SEMA4D: variants seen among roughly 807,000 people sequenced by gnomAD.
SEMA4D encodes semaphorin 4D, also known as semaphorin-4D.
SEMA4D carries 22 observed loss-of-function variants against 74.8 expected under a neutral mutation model. That is an observed-to-expected ratio of 0.29 (90% confidence interval 0.21 to 0.42). SEMA4D has a LOEUF of 0.42. SEMA4D is among the 10% of genes least tolerant of loss of function. SEMA4D has a pLI of 1.00. For synonymous variants in SEMA4D, 445 were observed against 463.7 expected, an observed-to-expected ratio of 0.96 and a Z score of 0.52; for missense variants, 937 against 1,118.4, an observed-to-expected ratio of 0.84 and a Z score of 2.31.
intron 2 of SEMA4D, among the ~76,000 whole-genome samples, chr9:89,439,838 C>T (rs750031140): frequency 5.9e-5 from 9 of 152,162 alleles, no homozygotes; most frequent in African/African-American, 9.7e-5. Flanking sequence ...CCCCACTTCA[C>T]GAATTTTAGC....
intron 16 of SEMA4D, among the ~76,000 whole-genome samples, chr9:89,371,477 A>G (rs1216418894): frequency 7.4e-4 from 15 of 20,196 alleles, no homozygotes; most frequent in Non-Finnish European, 7.9e-4. Flanking sequence ...GTGGGGTGTG[A>G]TGTGTGTGGG....
chr9:89,475,522 T>A (rs1286173918), intron 1 of SEMA4D, among the ~76,000 whole-genome samples: 1 of 152,192 alleles, frequency 6.6e-6, no homozygotes, highest in Non-Finnish European at 1.5e-5. Flanking sequence ...TGTTCACCCA[T>A]CAATCATTCA....
chr9:89,453,635 G>A (rs1855176034), intron 2 of SEMA4D, among the ~76,000 whole-genome samples: 1 of 152,162 alleles, frequency 6.6e-6, no homozygotes, highest in South Asian at 2.1e-4. Context: ...GGCCCTCGCT[G>A]GGTGGACACA....
At chr9:89,453,857 C>CTTT (rs11300976) in intron 2 of SEMA4D, among the ~76,000 whole-genome samples, 5 of 127,968 alleles carry the variant, frequency 3.9e-5, no homozygotes, top group Non-Finnish European at 5.0e-5. Context: ...GAATATATGT[C>CTTT]TTTTTTTTTT....
At chr9:89,403,798 G>A (rs924787321) in intron 3 of SEMA4D, among the ~76,000 whole-genome samples, 9 of 152,078 alleles carry the variant, frequency 5.9e-5, no homozygotes, top group African/African-American at 2.2e-4. Flanking sequence ...GTGTGGTGGC[G>A]GGCGCCTGTA....
chr9:89,456,837 G>A (rs1439344598), intron 1 of SEMA4D, among the ~76,000 whole-genome samples: 3 of 152,150 alleles, frequency 2.0e-5, no homozygotes, highest in Admixed American at 2.0e-4. Flanking sequence ...TGATCTGCCC[G>A]CCTTGGCCCT....
At chr9:89,469,008 T>G (rs1320272781) in intron 1 of SEMA4D, among the ~76,000 whole-genome samples, 2 of 152,138 alleles carry the variant, frequency 1.3e-5, no homozygotes, top group Admixed American at 1.3e-4. Context: ...CAGTCCTGAT[T>G]AGACTGGTTC....
rs1490058863 is a variant in SEMA4D, at chr9:89,471,267, TC to T, written c.-309-15315del. The stretch of plus-strand genomic sequence containing the variant: ...TTTCCATTTGGGATGATGAAAAACC[TC>T]AGGAGATGGAGGGTGGTGATGGCTG... On this transcript the variant is annotated intron_variant, in intron 1 of 15. Transcript: ENST00000422704. Among the ~76,000 whole-genome samples, 4 of 152,210 alleles carry T rather than the reference TC, an allele frequency of 2.6e-5. No individual in the cohort carries two copies. In the South Asian group the frequency reaches 6.2e-4, roughly 24 times the overall value.
chr9:89,426,204 T>C (rs920631155), intron 2 of SEMA4D, among the ~76,000 whole-genome samples: 1 of 152,228 alleles, frequency 6.6e-6, no homozygotes, highest in African/African-American at 2.4e-5. Flanking sequence ...CTGCTCGTTC[T>C]GCCACGGTGC....
At chr9:89,422,111 A>G (rs1847093205) in intron 2 of SEMA4D, among the ~76,000 whole-genome samples, 1 of 152,264 alleles carries the variant, frequency 6.6e-6, no homozygotes, top group Non-Finnish European at 1.5e-5. Context: ...TACACAGGTT[A>G]TAACGCTGGT....
chr9:89,369,217 C>T (rs546777617), intron 16 of SEMA4D: 1 of 152,194 alleles, frequency 6.6e-6, no homozygotes, highest in Non-Finnish European at 1.5e-5. Flanking sequence ...GCCAACAGGC[C>T]ACTGTGGCTG....
chr9:89,472,266 AG>A (rs1266033095), intron 1 of SEMA4D: 1 of 366,958 alleles, frequency 2.7e-6, no homozygotes, highest in Non-Finnish European at 5.3e-6. Context: ...GGGGAGTAAA[AG>A]TCCTTCGCAA....
intron 16 of SEMA4D, among the ~76,000 whole-genome samples, chr9:89,370,777 T>G (rs1258113394): frequency 2.5e-5 from 3 of 120,556 alleles, no homozygotes; most frequent in Admixed American, 8.4e-5. Context: ...GATGTGTGTG[T>G]GGGGTGGGGT....
chr9:89,489,776 C>T (rs1825481459), intron 1 of SEMA4D, among the ~76,000 whole-genome samples: 1 of 152,202 alleles, frequency 6.6e-6, no homozygotes, highest in South Asian at 2.1e-4. Context: ...GGGTTTCCGT[C>T]CTTTGGCTAC....
chr9:89,411,026 C>A (rs892000960), intron 2 of SEMA4D, among the ~76,000 whole-genome samples: 9 of 152,182 alleles, frequency 5.9e-5, no homozygotes, highest in African/African-American at 2.2e-4. Flanking sequence ...ATTTGCTCCA[C>A]CAAAACAAGG....
intron 6 of SEMA4D, among the ~76,000 whole-genome samples, chr9:89,395,316 C>G (rs1645886180): frequency 6.6e-6 from 1 of 151,514 alleles, no homozygotes; most frequent in Non-Finnish European, 1.5e-5. Context: ...TCCAGCTACT[C>G]GGGAGGCTGA....
chr9:89,414,453 C>T (rs879090768), intron 2 of SEMA4D, among the ~76,000 whole-genome samples: 1 of 152,180 alleles, frequency 6.6e-6, no homozygotes, highest in Non-Finnish European at 1.5e-5. Context: ...AAGCAGGCAG[C>T]CAGGTGCTGG....
At chr9:89,477,483 A>G (rs1000735258) in intron 1 of SEMA4D, among the ~76,000 whole-genome samples, 1 of 152,216 alleles carries the variant, frequency 6.6e-6, no homozygotes, top group Non-Finnish European at 1.5e-5. Context: ...CCTCCACTGA[A>G]GGCCCCAGGG....
At chr9:89,439,187 G>C (rs1412896715) in intron 2 of SEMA4D, among the ~76,000 whole-genome samples, 1 of 151,388 alleles carries the variant, frequency 6.6e-6, no homozygotes, top group Non-Finnish European at 1.5e-5. Context: ...CCACCATGTT[G>C]GCCAGGCTGG....
Sources: gnomAD v4.1 joint callset for allele counts (sites outside exome capture counted in the v4.1 genomes callset) on GRCh38, gnomAD v4.1.1 for gene constraint, MANE v1.5 for transcripts, NCBI Gene and HGNC (gene_info 2026-07-23, HGNC 2026-07-21) for gene names.